Variants in BNC2 observed in about 807,000 individuals in gnomAD.
BNC2 encodes basonuclin zinc finger protein 2.
BNC2 carries 20 observed loss-of-function variants against 76.3 expected under a neutral mutation model. The observed-to-expected ratio is 0.26, with a 90% confidence interval of 0.18 to 0.38. The LOEUF is 0.38. BNC2 is among the 10% of genes least tolerant of loss of function. The pLI is 1.00. For missense variants in BNC2, 1,382 were observed against 1,399.8 expected, an observed-to-expected ratio of 0.99 and a Z score of 0.20; for synonymous variants, 582 against 514.8, an observed-to-expected ratio of 1.13 and a Z score of -1.77.
chr9:16,610,236 G>A (rs1463994980), intron 3 of BNC2, among the ~76,000 whole-genome samples: 2 of 152,136 alleles, frequency 1.3e-5, no homozygotes, highest in Admixed American at 1.3e-4. Context: ...TGCTGAATCC[G>A]AAGCATTTTA....
chr9:16,520,668 T>C (rs942820291), intron 5 of BNC2, among the ~76,000 whole-genome samples: 1 of 152,166 alleles, frequency 6.6e-6, no homozygotes, highest in Non-Finnish European at 1.5e-5. Flanking sequence ...AAGTAATTTA[T>C]CTGAATCCAT....
intron 5 of BNC2, among the ~76,000 whole-genome samples, chr9:16,503,548 G>A (rs773607832): frequency 3.7e-4 from 57 of 152,198 alleles, no homozygotes; most frequent in Non-Finnish European, 5.1e-4. Flanking sequence ...ACAGTCACTC[G>A]TTGAGAACTA....
At chr9:16,544,417 T>A (rs1188444135) in intron 5 of BNC2, among the ~76,000 whole-genome samples, 1 of 152,220 alleles carries the variant, frequency 6.6e-6, no homozygotes, top group Non-Finnish European at 1.5e-5. Flanking sequence ...TTTAAACAAA[T>A]ATATCAAGTA....
rs1820613059 is a variant in BNC2, at chr9:16,417,647, G to C, written c.*1342C>G. The C allele has an allele frequency of 6.6e-6, 1 of 152,548 alleles. No homozygotes were observed. The highest frequency in any genetic ancestry group is 2.4e-5 in the African/African-American group (1 of 41,434). The allele number at this position is 152,548 out of a possible 1,614,324, so 9.4% of individuals were successfully genotyped here. On this transcript the variant is annotated 3_prime_UTR_variant, in exon 7 of 7. Transcript: ENST00000380672. ...ATACAACAGACCGACCCAGTTCAGAGGATTTCTTTTTAAAGGATAAGGGTT... is the reference window on the plus strand; with the variant it reads ...ATACAACAGACCGACCCAGTTCAGACGATTTCTTTTTAAAGGATAAGGGTT...
At chr9:16,431,901 G>A (rs1464447481) in intron 6 of BNC2, among the ~76,000 whole-genome samples, 1 of 152,134 alleles carries the variant, frequency 6.6e-6, no homozygotes, top group Non-Finnish European at 1.5e-5. Flanking sequence ...GACAGGAGGT[G>A]GAGCTCAGGC....
At chr9:16,678,883 C>T (rs754940747) in intron 3 of BNC2, among the ~76,000 whole-genome samples, 23 of 152,256 alleles carry the variant, frequency 1.5e-4, no homozygotes, top group East Asian at 5.8e-4. Context: ...AAATTACAAT[C>T]GAAATCAGTG....
At chr9:16,734,718 GC>G (rs1824614281) in intron 2 of BNC2, among the ~76,000 whole-genome samples, 1 of 152,162 alleles carries the variant, frequency 6.6e-6, no homozygotes, top group East Asian at 1.9e-4. Context: ...TGATATCCAA[GC>G]CCGTGACAAA....
intron 3 of BNC2, among the ~76,000 whole-genome samples, chr9:16,686,017 C>T (rs961354487): frequency 5.3e-5 from 8 of 151,798 alleles, no homozygotes; most frequent in Admixed American, 4.6e-4. Flanking sequence ...TTTTCTTTTC[C>T]TCTTTCCTTT....
intron 5 of BNC2, among the ~76,000 whole-genome samples, chr9:16,496,409 G>A (rs1224638551): frequency 2.6e-5 from 4 of 152,084 alleles, no homozygotes; most frequent in African/African-American, 9.7e-5. Flanking sequence ...ACTAGGATTG[G>A]ACTATTAAAA....
In BNC2 at chr9:16,621,666, T is replaced by C. The variant is rs1387663660; in HGVS notation, c.331-38581A>G. Among the ~76,000 whole-genome samples, 3 of 152,192 alleles carry C rather than the reference T, an allele frequency of 2.0e-5. No homozygotes were observed. The East Asian group carries it at 5.8e-4, about 29-fold the overall frequency. ...CTACACTGCTGTGGTGGAAAGAAAATTGGACTGGTGTCTAGACCTAAGCCA... is the reference window on the plus strand; with the variant it reads ...CTACACTGCTGTGGTGGAAAGAAAACTGGACTGGTGTCTAGACCTAAGCCA... On this transcript the variant is annotated intron_variant, in intron 3 of 6. Transcript: ENST00000380672.
rs755792115 is a variant in BNC2, at chr9:16,419,623, C to T, written c.2666G>A (p.Arg889His). The change falls in exon 7 of 7, where the codon CGT (arginine) becomes CAT (histidine). Residue 889 changes from arginine (R) to histidine (H), a missense_variant. Physicochemically the swap from Arg to His is conservative, Grantham distance 29. Coordinates refer to ENST00000380672, the MANE Select transcript of BNC2 (RefSeq NM_017637.6). ...DRHSANINLH[R>H]KLLTKELDDM... ...ATCGAGTTCTTTGGTCAACAGTTTACGATGTAGGTTTATGTTGGCACTGTG... is the reference window on the plus strand; with the variant it reads ...ATCGAGTTCTTTGGTCAACAGTTTATGATGTAGGTTTATGTTGGCACTGTG... 5.0e-6 allele frequency: 8 copies of T among 1,593,418 alleles called. No individual in the cohort carries two copies. The highest frequency in any genetic ancestry group is 2.3e-5 in the East Asian group (1 of 44,356).
At chr9:16,583,272 C>T (rs147189257) in intron 3 of BNC2, among the ~76,000 whole-genome samples, 187 bp from the exon 4 acceptor site, 11 of 151,976 alleles carry the variant, frequency 7.2e-5, no homozygotes, top group African/African-American at 2.7e-4. Context: ...AAAACAAAAG[C>T]TCATTCACTA....
chr9:16,550,217 C>T (rs1402089561), intron 5 of BNC2, among the ~76,000 whole-genome samples: 2 of 152,080 alleles, frequency 1.3e-5, no homozygotes, highest in African/African-American at 4.8e-5. Flanking sequence ...CTGAATGCGG[C>T]CCAACACAAA....
chr9:16,456,196 A>AT (rs1019360702), intron 5 of BNC2, among the ~76,000 whole-genome samples: 1 of 152,108 alleles, frequency 6.6e-6, no homozygotes, highest in African/African-American at 2.4e-5. Flanking sequence ...AAAACATTTC[A>AT]TTTTTTACTT....
chr9:16,725,438 A>G (rs1311077521), intron 3 of BNC2, among the ~76,000 whole-genome samples: 2 of 152,214 alleles, frequency 1.3e-5, no homozygotes, highest in Non-Finnish European at 2.9e-5. Flanking sequence ...CCAAAAATGC[A>G]CAAGAGGTAA....
At chr9:16,476,335 C>G (rs1289046083) in intron 5 of BNC2, 1 of 152,224 alleles carries the variant, frequency 6.6e-6, no homozygotes, top group East Asian at 1.9e-4. Flanking sequence ...GGCTCCCACA[C>G]CGCCCTGGAG....
rs535235854 is a variant in BNC2 at position 16,702,100 on chromosome 9, G to A, written c.330+25697C>T. The stretch of plus-strand genomic sequence containing the variant: ...TCCTAAGTCCTTAACTACCCTTTAG[G>A]CATTCTGCAAGATTCTAAATGAAGA... On this transcript the variant is annotated intron_variant, in intron 3 of 6. Coordinates refer to ENST00000380672, the MANE Select transcript of BNC2 (RefSeq NM_017637.6). 2.6e-5 allele frequency among the ~76,000 whole-genome samples: 4 copies of A among 152,104 alleles called. No individual in the cohort carries two copies. The East Asian group carries it at 7.7e-4, about 29-fold the overall frequency.
chr9:16,802,646 C>T (rs1299278645), intron 1 of BNC2, among the ~76,000 whole-genome samples: 1 of 152,168 alleles, frequency 6.6e-6, no homozygotes, highest in African/African-American at 2.4e-5. Context: ...CTTTGTCCAT[C>T]TCTAGCAAGA....
chr9:16,445,461 G>A (rs189452727), intron 5 of BNC2, among the ~76,000 whole-genome samples: 4 of 152,046 alleles, frequency 2.6e-5, no homozygotes, highest in African/African-American at 9.6e-5. Context: ...TTCATATCAC[G>A]GTTGTATGTA....
Sources: allele counts gnomAD v4.1 joint callset (sites outside exome capture counted in the v4.1 genomes callset), GRCh38; gene constraint gnomAD v4.1.1; transcripts MANE v1.5; gene names NCBI Gene and HGNC (gene_info 2026-07-23, HGNC 2026-07-21).